GABRR2: variants seen among roughly 807,000 people sequenced by gnomAD.
GABRR2 encodes the protein gamma-aminobutyric acid receptor subunit rho-2.
Under a neutral mutation model 47.0 loss-of-function variants are expected in GABRR2, and 36 were observed. That is an observed-to-expected ratio of 0.77 (90% confidence interval 0.59 to 1.01). The LOEUF is 1.01. Ranked by LOEUF, GABRR2 falls within the 50% of genes least tolerant of loss-of-function variation. The pLI is 0.00. For synonymous variants in GABRR2, 204 were observed against 227.5 expected (o/e 0.90, Z 0.93); for missense variants, 587 against 594.6 (o/e 0.99, Z 0.13).
Position 89,257,952 on chromosome 6 carries a change from T to G in GABRR2, c.1116A>C (p.Ser372=). The change falls in exon 9 of 9, where the codon TCA becomes TCC. Residue 372 remains serine (S), a synonymous_variant. Coordinates refer to ENST00000402938, the MANE Select transcript of GABRR2 (RefSeq NM_002043.5). ...KFPCMCGMLH[S]KTMMLDGSYS... ...AGCTTCCATCCAGCATCATGGTTTT[T>G]GAATGAAGCATTCCACACATGCACG... 1 of 1,613,854 alleles carries G rather than the reference T, an allele frequency of 6.2e-7. No homozygotes were observed. The highest frequency in any genetic ancestry group is 8.5e-7 in the Non-Finnish European group (1 of 1,179,822).
chr6:89,263,684 G>C (rs1009435009), intron 8 of GABRR2, among the ~76,000 whole-genome samples: 1 of 152,048 alleles, frequency 6.6e-6, no homozygotes, highest in Non-Finnish European at 1.5e-5. Context: ...CACCATGCTC[G>C]GCTAATTTTT....
intron 2 of GABRR2, among the ~76,000 whole-genome samples, chr6:89,287,890 A>G (rs1774358465): frequency 6.6e-6 from 1 of 152,228 alleles, no homozygotes; most frequent in Non-Finnish European, 1.5e-5. Context: ...TAATTCTTAG[A>G]ACTCCCCTCT....
intron 1 of GABRR2, chr6:89,303,231 A>G: frequency 5.5e-6 from 2 of 364,910 alleles, no homozygotes; most frequent in South Asian, 2.1e-5. Flanking sequence ...CCAGCTTGTC[A>G]CTCACGCTAG....
intron 2 of GABRR2, among the ~76,000 whole-genome samples, chr6:89,290,424 C>T (rs1205781836): frequency 6.6e-6 from 1 of 152,252 alleles, no homozygotes; most frequent in Non-Finnish European, 1.5e-5. Flanking sequence ...GGGGCAGGCA[C>T]AGGCAATGCA....
intron 1 of GABRR2, among the ~76,000 whole-genome samples, chr6:89,309,164 G>A (rs572794848): frequency 2.6e-5 from 4 of 152,290 alleles, no homozygotes; most frequent in African/African-American, 7.2e-5. Context: ...CCATTTGGCA[G>A]CCATCTCACT....
intron 7 of GABRR2, 52 bp downstream of exon 7, chr6:89,265,561 T>C: frequency 6.5e-7 from 1 of 1,544,114 alleles, no homozygotes; most frequent in Non-Finnish European, 8.7e-7. Context: ...GTAAACATAG[T>C]GATAAGTTGA....
chr6:89,264,717 C>A (rs1773847200), intron 7 of GABRR2, 109 bp from the exon 8 acceptor site: 1 of 1,378,580 alleles, frequency 7.3e-7, no homozygotes, highest in Non-Finnish European at 1.0e-6. Flanking sequence ...ATGAGAAAGT[C>A]CCAGGTGTGT....
chr6:89,307,992 T>C (rs892267164), intron 1 of GABRR2, among the ~76,000 whole-genome samples: 1 of 152,178 alleles, frequency 6.6e-6, no homozygotes, highest in East Asian at 1.9e-4. Flanking sequence ...AATTTTTGTA[T>C]TTTTAGTAGA....
rs535885278 is a variant in GABRR2 at position 89,292,838 on chromosome 6, G to A, written c.220+6921C>T. On this transcript the variant is annotated intron_variant, in intron 2 of 8. Transcript: ENST00000402938. ...GATATATCGTATATATCGTATATAC[G>A]ATATATCGTATATATCATATATTAT... Among the ~76,000 whole-genome samples the A allele has an allele frequency of 8.8e-5, 11 of 124,392 alleles. 2 individuals are homozygous for A. In the South Asian group the frequency reaches 2.3e-3, roughly 26 times the overall value. 81.6% of individuals were successfully genotyped at this position (124,392 alleles called of 152,430 possible). A position where few individuals can be genotyped will look rare whatever the true frequency, so the allele number is the denominator to read the frequency against.
intron 2 of GABRR2, among the ~76,000 whole-genome samples, chr6:89,290,971 A>AC (rs1456365610): frequency 6.6e-6 from 1 of 151,972 alleles, no homozygotes; most frequent in Admixed American, 6.6e-5. Flanking sequence ...CTTTCCCTTG[A>AC]CCCTGCCCAT....
intron 2 of GABRR2, among the ~76,000 whole-genome samples, chr6:89,297,506 A>G (rs1774576489): frequency 6.6e-6 from 1 of 152,148 alleles, no homozygotes; most frequent in Non-Finnish European, 1.5e-5. Context: ...AAGATTACAT[A>G]TATATATGTA....
At chr6:89,310,196 C>T (rs73503991) in intron 1 of GABRR2, among the ~76,000 whole-genome samples, 8,741 of 152,142 alleles carry the variant, frequency 0.057, 386 homozygotes, top group African/African-American at 0.12. Context: ...TATTTCCCCC[C>T]CAGTAAATAA....
At chr6:89,282,910 G>A (rs910337703) in intron 2 of GABRR2, among the ~76,000 whole-genome samples, 4 of 152,150 alleles carry the variant, frequency 2.6e-5, no homozygotes, top group Admixed American at 6.5e-5. Flanking sequence ...TCTTGACTTC[G>A]GGCAGACACG....
intron 2 of GABRR2, among the ~76,000 whole-genome samples, chr6:89,299,025 C>A (rs7742664): frequency 6.6e-6 from 1 of 151,936 alleles, no homozygotes. Flanking sequence ...ATGAGAAATA[C>A]GTTTCCATTG....
At chr6:89,308,043 G>A (rs1268658086) in intron 1 of GABRR2, among the ~76,000 whole-genome samples, 1 of 152,130 alleles carries the variant, frequency 6.6e-6, no homozygotes, top group African/African-American at 2.4e-5. Context: ...TCGAACTCCT[G>A]CCCTCAGGTG....
At chr6:89,309,947 CTTTT>C (rs565193467) in intron 1 of GABRR2, among the ~76,000 whole-genome samples, 3 of 128,194 alleles carry the variant, frequency 2.3e-5, no homozygotes, top group Admixed American at 8.0e-5. Flanking sequence ...CCTGGCTAAT[CTTTT>C]TTTTTTTTTT....
chr6:89,293,602 G>A (rs1265746557), intron 2 of GABRR2, among the ~76,000 whole-genome samples: 5 of 152,216 alleles, frequency 3.3e-5, no homozygotes, highest in African/African-American at 1.2e-4. Flanking sequence ...GCCTGGCAAC[G>A]TGGCGAAAAC....
chr6:89,258,676 A>G (rs1050127328), intron 8 of GABRR2, among the ~76,000 whole-genome samples: 1 of 151,348 alleles, frequency 6.6e-6, no homozygotes, highest in African/African-American at 2.4e-5. Flanking sequence ...AGCAGTGATC[A>G]TGCCACTGCA....
At chr6:89,300,498 CA>C (rs34085480) in intron 1 of GABRR2, among the ~76,000 whole-genome samples, 2 of 144,982 alleles carry the variant, frequency 1.4e-5, no homozygotes, top group Non-Finnish European at 3.0e-5. Flanking sequence ...GACTCTGTCG[CA>C]AAAAAAAACA....
Sources: allele counts gnomAD v4.1 joint callset (sites outside exome capture counted in the v4.1 genomes callset), GRCh38; gene constraint gnomAD v4.1.1; transcripts MANE v1.5; gene names NCBI Gene and HGNC (gene_info 2026-07-23, HGNC 2026-07-21).